HS3ST3A1: variants seen among roughly 807,000 people sequenced by gnomAD.
HS3ST3A1 encodes the protein heparan sulfate glucosamine 3-O-sulfotransferase 3A1.
In HS3ST3A1, 19 loss-of-function variants were observed where a neutral mutation model predicts 25.7. That is an observed-to-expected ratio of 0.74 (90% CI 0.52 to 1.08). HS3ST3A1 has a LOEUF of 1.08. Among genes scored for constraint, HS3ST3A1 ranks in the 50% least tolerant of loss-of-function variants. The probability of loss-of-function intolerance (pLI) is 0.00; values close to 1 mark genes in which losing one functional copy is unlikely to be tolerated. For missense variants in HS3ST3A1, 459 were observed against 594.3 expected, an observed-to-expected ratio of 0.77 and a Z score of 2.37; for synonymous variants, 226 against 278.6, an observed-to-expected ratio of 0.81 and a Z score of 1.88.
chr17:13,499,366 A>T (rs944720797), intron 1 of HS3ST3A1, among the ~76,000 whole-genome samples: 16 of 152,254 alleles, frequency 1.1e-4, no homozygotes, highest in Non-Finnish European at 1.9e-4. Context: ...TCAGTGAAGG[A>T]AATTTAATCA....
Position 13,567,383 on chromosome 17 carries a change from G to A in HS3ST3A1, c.599+33148C>T, listed in dbSNP as rs1402340362. Among the ~76,000 whole-genome samples the A allele has an allele frequency of 3.3e-5, 5 of 152,272 alleles. No homozygotes were observed. In the East Asian group the frequency reaches 9.6e-4, roughly 29 times the overall value. On this transcript the variant is annotated intron_variant, in intron 1 of 1. Coordinates refer to ENST00000284110, the MANE Select transcript of HS3ST3A1 (RefSeq NM_006042.3). ...AAGATGAATGTTGTTTTTTATAACT[G>A]CTAATACAATATCCATTCTGTAGCC...
chr17:13,528,710 G>C (rs1906512757), intron 1 of HS3ST3A1, among the ~76,000 whole-genome samples: 1 of 152,194 alleles, frequency 6.6e-6, no homozygotes, highest in African/African-American at 2.4e-5. Flanking sequence ...ATGCAGAAGA[G>C]GGTGTGATGG....
chr17:13,593,036 G>A (rs1908471231), intron 1 of HS3ST3A1, among the ~76,000 whole-genome samples: 2 of 152,086 alleles, frequency 1.3e-5, no homozygotes, highest in Admixed American at 6.6e-5. Context: ...TTGCTCCTAT[G>A]GAAAGTTTCA....
At chr17:13,593,538 A>G (rs1908491550) in intron 1 of HS3ST3A1, among the ~76,000 whole-genome samples, 1 of 152,206 alleles carries the variant, frequency 6.6e-6, no homozygotes, top group South Asian at 2.1e-4. Context: ...TCTGGAAGCA[A>G]CAGGTGCGGG....
chr17:13,507,880 A>G (rs1905733939), intron 1 of HS3ST3A1, among the ~76,000 whole-genome samples: 1 of 151,454 alleles, frequency 6.6e-6, no homozygotes, highest in Non-Finnish European at 1.5e-5. Context: ...ACTGCTGGGA[A>G]CTCTCTGTGC....
At chr17:13,504,476 G>T (rs1469153744) in intron 1 of HS3ST3A1, among the ~76,000 whole-genome samples, 1 of 152,108 alleles carries the variant, frequency 6.6e-6, no homozygotes. Flanking sequence ...TTACCCTTAG[G>T]GGGATCGGTG....
intron 1 of HS3ST3A1, among the ~76,000 whole-genome samples, chr17:13,510,595 A>T (rs1905829040): frequency 6.6e-6 from 1 of 152,210 alleles, no homozygotes; most frequent in African/African-American, 2.4e-5. Flanking sequence ...AGTTTGAACC[A>T]GGAGAAGTGA....
chr17:13,561,228 G>C (rs1907539764), intron 1 of HS3ST3A1, among the ~76,000 whole-genome samples: 1 of 152,098 alleles, frequency 6.6e-6, no homozygotes, highest in Non-Finnish European at 1.5e-5. Context: ...CATTGCCCTA[G>C]AGGAAAGGAA....
intron 1 of HS3ST3A1, among the ~76,000 whole-genome samples, chr17:13,592,226 A>G (rs1908445395): frequency 6.6e-6 from 1 of 152,202 alleles, no homozygotes; most frequent in African/African-American, 2.4e-5. Flanking sequence ...ATGATCTTGG[A>G]CAAGTTATTT....
intron 1 of HS3ST3A1, among the ~76,000 whole-genome samples, chr17:13,573,926 G>A (rs532017888): frequency 4.7e-4 from 72 of 152,206 alleles, no homozygotes; most frequent in Non-Finnish European, 7.4e-4. Context: ...AAACCAGAAA[G>A]AGTGCCCTTA....
At chr17:13,577,569 T>A (rs1440928293) in intron 1 of HS3ST3A1, among the ~76,000 whole-genome samples, 1 of 152,146 alleles carries the variant, frequency 6.6e-6, no homozygotes, top group African/African-American at 2.4e-5. Context: ...TTAGTCAAAA[T>A]TTACATAATC....
chr17:13,540,958 G>A (rs986507364), intron 1 of HS3ST3A1, among the ~76,000 whole-genome samples: 5 of 152,170 alleles, frequency 3.3e-5, no homozygotes, highest in African/African-American at 7.2e-5. Flanking sequence ...GAAAACTACT[G>A]CTTAAGGGAA....
rs571657095 is a variant in HS3ST3A1 at position 13,570,854 on chromosome 17, AGTTTT to A, written c.599+29672_599+29676del. On this transcript the variant is annotated intron_variant, in intron 1 of 1. Transcript: ENST00000284110. ...GGAGTTTTAGGTTCCTACGCATCTC[AGTTTT>A]GTTTTGTTTTGTTTTTTAATCACAA... is the stretch of plus-strand genomic sequence containing the variant. Among the ~76,000 whole-genome samples, 503 of 152,286 alleles carry A rather than the reference AGTTTT, an allele frequency of 3.3e-3. 1 individual carries two copies. Among genetic ancestry groups the A allele is most frequent in the African/African-American group, 0.011 (462 of 41,562 alleles).
intron 1 of HS3ST3A1, among the ~76,000 whole-genome samples, chr17:13,590,078 G>A (rs1176831439): frequency 1.3e-5 from 2 of 152,030 alleles, no homozygotes; most frequent in East Asian, 3.9e-4. Flanking sequence ...GAACACTCGA[G>A]AGAGAAAAAA....
At chr17:13,554,316 C>T (rs558550802) in intron 1 of HS3ST3A1, among the ~76,000 whole-genome samples, 1 of 152,240 alleles carries the variant, frequency 6.6e-6, no homozygotes, top group Admixed American at 6.5e-5. Context: ...TCACAGCGCT[C>T]AGGAGGTAAT....
chr17:13,564,139 T>C (rs1301094107), intron 1 of HS3ST3A1, among the ~76,000 whole-genome samples: 1 of 152,180 alleles, frequency 6.6e-6, no homozygotes, highest in Non-Finnish European at 1.5e-5. Context: ...CCTCATGACA[T>C]GTGTTAATGA....
chr17:13,515,281 T>A (rs1598410783), intron 1 of HS3ST3A1, among the ~76,000 whole-genome samples: 1 of 152,266 alleles, frequency 6.6e-6, no homozygotes, highest in South Asian at 2.1e-4. Flanking sequence ...CGCCTCAGCT[T>A]CCCGAGTAGC....
chr17:13,513,228 G>A (rs1598410254), intron 1 of HS3ST3A1, among the ~76,000 whole-genome samples: 1 of 152,202 alleles, frequency 6.6e-6, no homozygotes, highest in Middle Eastern at 3.4e-3. Context: ...GGCACTTCAC[G>A]CGGACTAGGT....
At chr17:13,591,013 C>A (rs923996146) in intron 1 of HS3ST3A1, among the ~76,000 whole-genome samples, 14 of 151,538 alleles carry the variant, frequency 9.2e-5, no homozygotes, top group African/African-American at 3.4e-4. Context: ...ATTCAGCAAG[C>A]GTCCTTCTGA....
Sources: allele counts gnomAD v4.1 joint callset (sites outside exome capture counted in the v4.1 genomes callset), GRCh38; gene constraint gnomAD v4.1.1; transcripts MANE v1.5; gene names NCBI Gene and HGNC (gene_info 2026-07-23, HGNC 2026-07-21).